Variants in CHRM5 observed in about 807,000 individuals in gnomAD.
CHRM5 encodes the protein muscarinic acetylcholine receptor M5.
Under a neutral mutation model 39.0 loss-of-function variants are expected in CHRM5, and 18 were observed. That is an observed-to-expected ratio of 0.46 (90% CI 0.32 to 0.68). The LOEUF is 0.68. Among genes scored for constraint, CHRM5 ranks in the 30% least tolerant of loss-of-function variants. The pLI, the probability that CHRM5 is intolerant of heterozygous loss-of-function variation, is 0.04. For synonymous variants in CHRM5, 241 were observed against 246.3 expected (o/e 0.98, Z 0.20); for missense variants, 515 against 651.1 (o/e 0.79, Z 2.28).
Position 33,971,743 on chromosome 15 carries a change from T to A in CHRM5, c.-408+2593T>A, listed in dbSNP as rs1895648249. ...TTTTCATTCCATTATAATGGCACCG[T>A]GTTTCAAGCTTAATTCAACTGGGCA... On this transcript the variant is annotated intron_variant, in intron 1 of 2. Transcript: ENST00000383263. Among the ~76,000 whole-genome samples the A allele has an allele frequency of 2.0e-5, 3 of 152,142 alleles. No homozygotes were observed. The South Asian group carries it at 6.2e-4, about 31-fold the overall frequency.
intron 2 of CHRM5, among the ~76,000 whole-genome samples, chr15:34,061,032 A>AT (rs555025780): frequency 1.9e-4 from 28 of 148,230 alleles, no homozygotes; most frequent in Middle Eastern, 7.0e-3. Flanking sequence ...AAAAAAAAAG[A>AT]TTTTTTTTTT....
chr15:34,064,516 G>T lies in CHRM5; in HGVS notation c.*200G>T, dbSNP rs1900459995. On this transcript the variant is annotated 3_prime_UTR_variant, in exon 3 of 3. Transcript: ENST00000383263. ...ATTGCTGACATATTAAATGACTCTT[G>T]CCTATGACCAAGGCCATTTGATGCC... is the stretch of plus-strand genomic sequence containing the variant. 7 of 654,456 alleles carry T rather than the reference G, an allele frequency of 1.1e-5. No homozygotes were observed. Among genetic ancestry groups the T allele is most frequent in the Non-Finnish European group, 1.8e-5 (7 of 381,102 alleles). 40.5% of individuals were successfully genotyped at this position (654,456 alleles called of 1,614,324 possible). A position where few individuals can be genotyped will look rare whatever the true frequency, so the allele number is the denominator to read the frequency against.
At chr15:34,033,873 C>T (rs745992125) in intron 1 of CHRM5, among the ~76,000 whole-genome samples, 8 of 152,120 alleles carry the variant, frequency 5.3e-5, no homozygotes, top group Non-Finnish European at 7.4e-5. Flanking sequence ...CTGCAACCTC[C>T]GCCTCCCAAG....
At chr15:34,042,723 A>C (rs916288772) in intron 1 of CHRM5, among the ~76,000 whole-genome samples, 9 of 152,108 alleles carry the variant, frequency 5.9e-5, no homozygotes, top group Middle Eastern at 3.2e-3. Context: ...TTTTTTAAAT[A>C]AAATGGTAGC....
At chr15:34,016,362 C>T (rs1191096006) in intron 1 of CHRM5, among the ~76,000 whole-genome samples, 1 of 152,194 alleles carries the variant, frequency 6.6e-6, no homozygotes, top group Non-Finnish European at 1.5e-5. Flanking sequence ...ATGTAGTAAA[C>T]TTACAATACT....
intron 1 of CHRM5, among the ~76,000 whole-genome samples, chr15:33,973,639 C>T (rs1475335852): frequency 1.3e-5 from 2 of 152,018 alleles, no homozygotes; most frequent in South Asian, 2.1e-4. Context: ...GCCAGGAGTT[C>T]GAGACCCACC....
chr15:34,053,299 C>CAAA (rs71454513), intron 2 of CHRM5, among the ~76,000 whole-genome samples: 1,781 of 51,464 alleles, frequency 0.035, 89 homozygotes, highest in Non-Finnish European at 0.048. Flanking sequence ...GACTCCATCT[C>CAAA]AAAAAAAAAA....
Position 34,062,914 on chromosome 15 carries a change from A to G in CHRM5, c.197A>G (p.Asn66Ser). 2 of 1,614,158 alleles carry G rather than the reference A, an allele frequency of 1.2e-6. No individual in the cohort carries two copies. The highest frequency in any genetic ancestry group is 1.7e-6 in the Non-Finnish European group (2 of 1,180,038). The change falls in exon 3 of 3, where the codon AAC (asparagine) becomes AGC (serine). Residue 66 changes from asparagine to serine, a missense_variant. By Grantham distance (46) the Asn-to-Ser change is conservative (BLOSUM62 1). Coordinates refer to ENST00000383263, the MANE Select transcript of CHRM5 (RefSeq NM_012125.4). Reference protein sequence around the residue: ...KVNSQLKTVNNYYLLSLACAD... With the variant: ...KVNSQLKTVNSYYLLSLACAD... ...AACAGCCAGCTCAAGACAGTTAACA[A>G]CTATTACCTGCTCAGCTTAGCCTGT...
chr15:34,049,126 CA>C (rs1330923462), intron 2 of CHRM5, among the ~76,000 whole-genome samples: 1 of 152,172 alleles, frequency 6.6e-6, no homozygotes, highest in Non-Finnish European at 1.5e-5. Flanking sequence ...GCTGAAAACT[CA>C]AAAAGACAGA....
At chr15:34,004,641 T>C (rs1052502242) in intron 1 of CHRM5, among the ~76,000 whole-genome samples, 4 of 152,152 alleles carry the variant, frequency 2.6e-5, no homozygotes, top group African/African-American at 9.7e-5. Context: ...CTGAACTCTT[T>C]ATGGATGAAA....
intron 1 of CHRM5, among the ~76,000 whole-genome samples, chr15:33,987,412 A>T (rs1896523914): frequency 6.6e-6 from 1 of 152,220 alleles, no homozygotes; most frequent in Non-Finnish European, 1.5e-5. Flanking sequence ...AACAATGGAC[A>T]GCCACCAGAC....
intron 1 of CHRM5, among the ~76,000 whole-genome samples, chr15:33,983,674 C>T (rs1017220098): frequency 1.3e-5 from 2 of 152,058 alleles, no homozygotes; most frequent in African/African-American, 2.4e-5. Context: ...GAAGCTTACT[C>T]GCATCGTCTT....
chr15:34,015,829 A>C (rs1897879325), intron 1 of CHRM5, among the ~76,000 whole-genome samples: 1 of 152,262 alleles, frequency 6.6e-6, no homozygotes, highest in African/African-American at 2.4e-5. Flanking sequence ...TTTCAAAGAT[A>C]AAATGATAAA....
At chr15:34,017,054 C>T (rs929249041) in intron 1 of CHRM5, among the ~76,000 whole-genome samples, 1 of 151,956 alleles carries the variant, frequency 6.6e-6, no homozygotes, top group African/African-American at 2.4e-5. Flanking sequence ...TCACCTCAGC[C>T]TGGGGAGGTC....
At chr15:34,025,437 T>C (rs2140735082) in intron 1 of CHRM5, among the ~76,000 whole-genome samples, 1 of 152,262 alleles carries the variant, frequency 6.6e-6, no homozygotes, top group South Asian at 2.1e-4. Flanking sequence ...AGAAGTAGAC[T>C]AGAGTGGTTA....
chr15:34,044,181 G>A (rs1481967014), intron 1 of CHRM5, among the ~76,000 whole-genome samples: 1 of 151,192 alleles, frequency 6.6e-6, no homozygotes, highest in Non-Finnish European at 1.5e-5. Flanking sequence ...AAGTTCCTCA[G>A]AAGAGTCATC....
At chr15:33,976,716 A>T (rs1895904346) in intron 1 of CHRM5, among the ~76,000 whole-genome samples, 2 of 152,154 alleles carry the variant, frequency 1.3e-5, no homozygotes, top group South Asian at 2.1e-4. Context: ...CAAAAAAAAA[A>T]TTTAACATAA....
chr15:34,003,081 A>T (rs377396799), intron 1 of CHRM5: 3 of 1,613,906 alleles, frequency 1.9e-6, no homozygotes, highest in Non-Finnish European at 2.5e-6. Flanking sequence ...GTGACTCTCC[A>T]CTTTCATTAT....
chr15:34,059,163 C>T (rs1567492617), intron 2 of CHRM5, among the ~76,000 whole-genome samples: 1 of 152,150 alleles, frequency 6.6e-6, no homozygotes, highest in Non-Finnish European at 1.5e-5. Flanking sequence ...TCCCAAAGTG[C>T]TGGGATTACA....
Sources: gnomAD v4.1 joint callset for allele counts (sites outside exome capture counted in the v4.1 genomes callset) on GRCh38, gnomAD v4.1.1 for gene constraint, MANE v1.5 for transcripts, NCBI Gene and HGNC (gene_info 2026-07-23, HGNC 2026-07-21) for gene names.